Variants in NBAS observed in about 807,000 individuals in gnomAD.
NBAS encodes NAG/BC035112 fusion.
Under a neutral mutation model 302.5 loss-of-function variants are expected in NBAS, and 219 were observed. That is an observed-to-expected ratio of 0.72 (90% confidence interval 0.65 to 0.81). The LOEUF is 0.81. Ranked by LOEUF, NBAS falls within the 30% of genes least tolerant of loss-of-function variation. The pLI, the probability that NBAS is intolerant of heterozygous loss-of-function variation, is 0.00. For synonymous variants in NBAS, 1,118 were observed against 1,021.6 expected (o/e 1.09, Z -1.80); for missense variants, 2,932 against 2,841.6 (o/e 1.03, Z -0.72).
intron 51 of NBAS, 41 bp from the exon 52 acceptor site, chr2:15,167,364 C>T (rs1197679112): frequency 6.2e-7 from 1 of 1,609,188 alleles, no homozygotes; most frequent in Non-Finnish European, 8.5e-7. Context: ...GGGGTGTTTG[C>T]TTTGTTCGCC....
chr2:15,486,980 C>A (rs1680654781), intron 12 of NBAS, among the ~76,000 whole-genome samples: 1 of 151,536 alleles, frequency 6.6e-6, no homozygotes, highest in African/African-American at 2.4e-5. Flanking sequence ...CAATTTTGCT[C>A]AGAATAGCCT....
intron 44 of NBAS, among the ~76,000 whole-genome samples, chr2:15,250,719 C>A (rs865924342): frequency 2.0e-5 from 3 of 152,194 alleles, no homozygotes; most frequent in South Asian, 2.1e-4. Flanking sequence ...AGCTCATCAT[C>A]ACTGTTCATT....
At chr2:15,554,198 A>G (rs1474097516) in intron 3 of NBAS, 60 bp from the exon 4 acceptor site, 1 of 1,257,746 alleles carries the variant, frequency 8.0e-7, no homozygotes, top group Admixed American at 1.8e-5. Flanking sequence ...ATATATGCAG[A>G]CAAATAGCAC....
intron 21 of NBAS, among the ~76,000 whole-genome samples, chr2:15,454,786 G>C (rs1679173419): frequency 2.0e-5 from 3 of 151,952 alleles, no homozygotes. Context: ...CTCACAAACT[G>C]CCACTCTTCT....
the NBAS span, among the ~76,000 whole-genome samples, chr2:14,847,280 G>C: frequency 0.02 from 3,096 of 151,102 alleles, 126 homozygotes; most frequent in African/African-American, 0.071. Flanking sequence ...CTACTTGGGA[G>C]GCTGAAGCAG....
the NBAS span, among the ~76,000 whole-genome samples, chr2:14,818,624 T>A: frequency 6.6e-6 from 1 of 152,136 alleles, no homozygotes; most frequent in Admixed American, 6.5e-5. Flanking sequence ...GAGCAGTAAA[T>A]GGTGTTTAAT....
chr2:15,296,602 T>C, intron 40 of NBAS, among the ~76,000 whole-genome samples: 1 of 151,894 alleles, frequency 6.6e-6, no homozygotes, highest in East Asian at 1.9e-4. Flanking sequence ...TCTACGAGGC[T>C]GGAGGCTCAA....
intron 21 of NBAS, among the ~76,000 whole-genome samples, chr2:15,435,938 T>C (rs1039768386): frequency 6.6e-6 from 1 of 152,220 alleles, no homozygotes; most frequent in Non-Finnish European, 1.5e-5. Context: ...TGCATAATAA[T>C]AACATATAAG....
the NBAS span, among the ~76,000 whole-genome samples, chr2:15,002,432 C>T: frequency 1.4e-5 from 2 of 147,590 alleles, no homozygotes; most frequent in Admixed American, 6.6e-5. Context: ...GACTCAGGAG[C>T]CCAGCTGGCC....
chr2:14,879,393 G>C, the NBAS span, among the ~76,000 whole-genome samples: 2 of 152,160 alleles, frequency 1.3e-5, no homozygotes, highest in Non-Finnish European at 2.9e-5. Flanking sequence ...TAGCCACACT[G>C]CTTAAAGGTA....
rs114241341 is a variant in NBAS, at chr2:15,350,542, C to T, written c.4179+1450G>A. The stretch of plus-strand genomic sequence containing the variant: ...AAAGTTAAATTCCCTGGAGCAAACA[C>T]TGACCAAAAGAAGACAGGTTTCAGG... On this transcript the variant is annotated intron_variant, in intron 35 of 51. Transcript: ENST00000281513. 6.0e-3 allele frequency among the ~76,000 whole-genome samples: 914 copies of T among 152,272 alleles called. 12 individuals are homozygous for T. Among genetic ancestry groups the T allele is most frequent in the Non-Finnish European group, 6.2e-3 (425 of 68,030 alleles).
At chr2:15,161,017 T>A in the NBAS span, among the ~76,000 whole-genome samples, 4 of 152,328 alleles carry the variant, frequency 2.6e-5, no homozygotes, top group East Asian at 7.7e-4. Flanking sequence ...GTCAATCCTT[T>A]ATCCAAGTTC....
chr2:15,077,201 A>G, the NBAS span, among the ~76,000 whole-genome samples: 1 of 152,232 alleles, frequency 6.6e-6, no homozygotes, highest in African/African-American at 2.4e-5. Context: ...TGGCAGCAGG[A>G]AAGAGTGGGG....
At chr2:14,857,361 C>A in the NBAS span, among the ~76,000 whole-genome samples, 1 of 151,960 alleles carries the variant, frequency 6.6e-6, no homozygotes, top group South Asian at 2.1e-4. Context: ...CCCAGAAGAG[C>A]CAAAGCTGTC....
the NBAS span, among the ~76,000 whole-genome samples, chr2:14,835,406 G>C: frequency 6.6e-6 from 1 of 151,902 alleles, no homozygotes; most frequent in East Asian, 1.9e-4. Flanking sequence ...TGTAACTCCC[G>C]GCTAGGTGAG....
At chr2:15,466,712 T>C (rs1031842979) in intron 19 of NBAS, among the ~76,000 whole-genome samples, 2 of 151,670 alleles carry the variant, frequency 1.3e-5, no homozygotes, top group South Asian at 4.2e-4. Context: ...CTGAGGCGGG[T>C]GGATTGCTTG....
At chr2:15,396,980 T>C (rs1387177188) in intron 26 of NBAS, among the ~76,000 whole-genome samples, 1 of 152,204 alleles carries the variant, frequency 6.6e-6, no homozygotes. Flanking sequence ...GGAAATCCCA[T>C]CCACTTCAAC....
chr2:14,961,810 G>A, the NBAS span, among the ~76,000 whole-genome samples: 2 of 151,968 alleles, frequency 1.3e-5, no homozygotes, highest in South Asian at 2.1e-4. Context: ...TTTCAGTCTT[G>A]TGCTGTCATC....
the NBAS span, among the ~76,000 whole-genome samples, chr2:14,981,652 G>T: frequency 6.6e-6 from 1 of 152,218 alleles, no homozygotes; most frequent in African/African-American, 2.4e-5. Context: ...ATAGGATGGG[G>T]CAGACGTGAC....
Sources: gnomAD v4.1 joint callset for allele counts (sites outside exome capture counted in the v4.1 genomes callset) on GRCh38, gnomAD v4.1.1 for gene constraint, MANE v1.5 for transcripts, NCBI Gene and HGNC (gene_info 2026-07-23, HGNC 2026-07-21) for gene names.